Variants in ELOVL5 observed in about 807,000 individuals in gnomAD.
The protein encoded by ELOVL5 is very long chain fatty acid elongase 5.
A neutral mutation model predicts 38.6 loss-of-function variants in ELOVL5; 8 were observed. That is an observed-to-expected ratio of 0.21 (90% CI 0.12 to 0.37). The LOEUF is 0.37. ELOVL5 is among the 10% of genes least tolerant of loss of function. The pLI is 1.00. For synonymous variants in ELOVL5, 127 were observed against 133.7 expected (o/e 0.95, Z 0.34); for missense variants, 280 against 367.8 (o/e 0.76, Z 1.95).
chr6:53,313,647 C>A (rs1374364787), intron 1 of ELOVL5, among the ~76,000 whole-genome samples: 1 of 152,212 alleles, frequency 6.6e-6, no homozygotes, highest in Non-Finnish European at 1.5e-5. Context: ...CAGGCATGAG[C>A]CACCATGCCT....
At chr6:53,307,087 G>A (rs896632904) in intron 1 of ELOVL5, among the ~76,000 whole-genome samples, 1 of 152,234 alleles carries the variant, frequency 6.6e-6, no homozygotes, top group African/African-American at 2.4e-5. Context: ...CCAGCCATTT[G>A]AAAGGCAGTT....
chr6:53,305,033 G>A (rs1343171896), intron 1 of ELOVL5, among the ~76,000 whole-genome samples: 1 of 151,122 alleles, frequency 6.6e-6, no homozygotes, highest in Admixed American at 6.6e-5. Context: ...CTCCCGGACG[G>A]GGCGGCTGGC....
chr6:53,346,944 T>G (rs919575917), intron 1 of ELOVL5, among the ~76,000 whole-genome samples: 1 of 152,218 alleles, frequency 6.6e-6, no homozygotes, highest in Non-Finnish European at 1.5e-5. Context: ...AAACCACCAT[T>G]TGGCAGACTC....
At chr6:53,288,522 A>C (rs1438007414) in intron 3 of ELOVL5, among the ~76,000 whole-genome samples, 1 of 152,190 alleles carries the variant, frequency 6.6e-6, no homozygotes, top group African/African-American at 2.4e-5. Context: ...ATATGCTCCA[A>C]ATCAGGGATC....
intron 1 of ELOVL5, among the ~76,000 whole-genome samples, chr6:53,314,235 A>G (rs1767949312): frequency 6.6e-6 from 1 of 151,726 alleles, no homozygotes; most frequent in African/African-American, 2.4e-5. Flanking sequence ...TTTTTCCTTC[A>G]TTTCAATTCT....
intron 1 of ELOVL5, among the ~76,000 whole-genome samples, chr6:53,304,633 C>T (rs878870320): frequency 5.5e-4 from 82 of 150,340 alleles, no homozygotes; most frequent in African/African-American, 1.7e-3. Context: ...TGACTCTCAA[C>T]GAGCATGCTG....
At chr6:53,321,289 T>G (rs533161962) in intron 1 of ELOVL5, among the ~76,000 whole-genome samples, 1 of 152,246 alleles carries the variant, frequency 6.6e-6, no homozygotes. Flanking sequence ...GCAGACATCA[T>G]GCGCATCACC....
At chr6:53,277,103 T>G (rs1414898178) in intron 3 of ELOVL5, 2 of 152,416 alleles carry the variant, frequency 1.3e-5, no homozygotes, top group Non-Finnish European at 3.0e-5. Context: ...TCCCTGTCCT[T>G]GAACACAAGA....
intron 1 of ELOVL5, among the ~76,000 whole-genome samples, chr6:53,317,355 T>C (rs898571162): frequency 1.3e-5 from 2 of 152,224 alleles, no homozygotes; most frequent in African/African-American, 4.8e-5. Flanking sequence ...GTATGTTTAT[T>C]GTGGCACTAT....
At chr6:53,285,360 A>G (rs1220725681) in intron 3 of ELOVL5, among the ~76,000 whole-genome samples, 1 of 152,240 alleles carries the variant, frequency 6.6e-6, no homozygotes, top group African/African-American at 2.4e-5. Context: ...CCACTAACTC[A>G]CTTCAATTCT....
At chr6:53,316,984 C>T (rs1188716738) in intron 1 of ELOVL5, among the ~76,000 whole-genome samples, 3 of 152,146 alleles carry the variant, frequency 2.0e-5, no homozygotes, top group Admixed American at 2.0e-4. Context: ...CTGACATGTT[C>T]TCTTACAGGG....
chr6:53,309,002 A>T (rs2127582001), intron 1 of ELOVL5, among the ~76,000 whole-genome samples: 1 of 152,236 alleles, frequency 6.6e-6, no homozygotes, highest in Non-Finnish European at 1.5e-5. Flanking sequence ...GTGACATGGT[A>T]CACATCACAC....
intron 7 of ELOVL5, among the ~76,000 whole-genome samples, chr6:53,269,911 G>A (rs1263728606): frequency 3.3e-5 from 5 of 152,174 alleles, no homozygotes; most frequent in African/African-American, 9.7e-5. Flanking sequence ...TCTGAGCCTC[G>A]GGACTTGCAG....
At chr6:53,300,941 C>T (rs1446717135) in intron 1 of ELOVL5, among the ~76,000 whole-genome samples, 1 of 152,168 alleles carries the variant, frequency 6.6e-6, no homozygotes, top group Non-Finnish European at 1.5e-5. Flanking sequence ...ATCTTCCTTG[C>T]TGAGCCTCAT....
In ELOVL5 at chr6:53,332,603, G is replaced by C. The variant is rs755235798; in HGVS notation, c.-9+16214C>G. Among the ~76,000 whole-genome samples the C allele has an allele frequency of 1.2e-3, 179 of 152,292 alleles. 1 individual carries two copies. The highest frequency in any genetic ancestry group is 4.3e-3 in the Admixed American group (65 of 15,294). Reference sequence around the variant, plus strand: ...GAGGCGGAGAGAGAATGGAGAGGGAGTGAAATGGAGAGGACAAGGAGAGAA... The same window carrying C: ...GAGGCGGAGAGAGAATGGAGAGGGACTGAAATGGAGAGGACAAGGAGAGAA... On this transcript the variant is annotated intron_variant, in intron 1 of 7. Transcript: ENST00000304434.
At chr6:53,289,095 T>A (rs1262023780) in intron 3 of ELOVL5, among the ~76,000 whole-genome samples, 1 of 152,136 alleles carries the variant, frequency 6.6e-6, no homozygotes, top group African/African-American at 2.4e-5. Context: ...CTCCTTTAAG[T>A]GACAGTTAAT....
intron 1 of ELOVL5, among the ~76,000 whole-genome samples, chr6:53,330,138 C>CT (rs1382460556): frequency 3.3e-5 from 5 of 152,114 alleles, no homozygotes; most frequent in African/African-American, 1.2e-4. Context: ...CACATGCAGG[C>CT]TATATGGTAC....
intron 1 of ELOVL5, among the ~76,000 whole-genome samples, chr6:53,301,004 C>G (rs1227240882): frequency 6.6e-6 from 1 of 152,180 alleles, no homozygotes; most frequent in Non-Finnish European, 1.5e-5. Context: ...TTCTTCATCA[C>G]CAGGCTAGGC....
intron 7 of ELOVL5, 28 bp from the exon 8 acceptor site, chr6:53,269,298 CA>C: frequency 6.7e-7 from 1 of 1,494,668 alleles, no homozygotes. Context: ...AGATGAGAAC[CA>C]AATGACCACA....
Sources: gnomAD v4.1 joint callset for allele counts (sites outside exome capture counted in the v4.1 genomes callset) on GRCh38, gnomAD v4.1.1 for gene constraint, MANE v1.5 for transcripts, NCBI Gene and HGNC (gene_info 2026-07-23, HGNC 2026-07-21) for gene names.